The following CRTAC1 variants were observed in gnomAD, a reference collection of about 807,000 sequenced individuals.
The protein encoded by CRTAC1 is cartilage acidic protein 1.
A neutral mutation model predicts 67.8 loss-of-function variants in CRTAC1; 37 were observed. The ratio of observed to expected loss-of-function variants is 0.55; its 90% confidence interval spans 0.42 to 0.72. The LOEUF (loss-of-function observed/expected upper bound fraction) is 0.72. Ranked by LOEUF, CRTAC1 falls within the 30% of genes least tolerant of loss-of-function variation. CRTAC1 has a pLI of 0.00. For synonymous variants in CRTAC1, 348 were observed against 371.0 expected, an observed-to-expected ratio of 0.94 and a Z score of 0.71; for missense variants, 780 against 931.6, an observed-to-expected ratio of 0.84 and a Z score of 2.12.
intron 11 of CRTAC1, among the ~76,000 whole-genome samples, chr10:97,891,765 C>G (rs992590137): frequency 1.3e-5 from 2 of 152,226 alleles, no homozygotes; most frequent in Admixed American, 1.3e-4. Context: ...GCTGGCTCCC[C>G]CATCGGTCAG....
At chr10:97,885,985 A>G (rs2050278219) in intron 11 of CRTAC1, among the ~76,000 whole-genome samples, 2 of 152,270 alleles carry the variant, frequency 1.3e-5, no homozygotes, top group South Asian at 2.1e-4. Flanking sequence ...GAATTTTACA[A>G]TGATAGCTAC....
At chr10:97,964,066 C>G (rs1468687201) in intron 2 of CRTAC1, among the ~76,000 whole-genome samples, 3 of 152,232 alleles carry the variant, frequency 2.0e-5, no homozygotes, top group Non-Finnish European at 4.4e-5. Flanking sequence ...CCCCTCTTTC[C>G]AGCACATCCT....
At chr10:97,950,750 C>G (rs1009932904) in intron 2 of CRTAC1, among the ~76,000 whole-genome samples, 26 of 152,264 alleles carry the variant, frequency 1.7e-4, no homozygotes, top group African/African-American at 5.8e-4. Flanking sequence ...TTCTGCTAGC[C>G]CAGGGCTCTG....
At chr10:97,954,746 C>T (rs1034198294) in intron 2 of CRTAC1, among the ~76,000 whole-genome samples, 40 of 152,330 alleles carry the variant, frequency 2.6e-4, no homozygotes, top group African/African-American at 9.4e-4. Flanking sequence ...TGTCACAGTT[C>T]TGGAGGCTAG....
At chr10:98,001,018 C>A (rs941745205) in intron 2 of CRTAC1, among the ~76,000 whole-genome samples, 5 of 152,026 alleles carry the variant, frequency 3.3e-5, no homozygotes, top group African/African-American at 9.7e-5. Context: ...AAATACTAAC[C>A]AAAAGAAAGC....
chr10:97,967,004 C>T (rs375422632), intron 2 of CRTAC1, among the ~76,000 whole-genome samples: 8,575 of 150,066 alleles, frequency 0.057, 353 homozygotes, highest in Middle Eastern at 0.089. Flanking sequence ...CCCCCCCCCC[C>T]CCGACATCCT....
At chr10:97,931,429 G>C (rs1590217834) in intron 3 of CRTAC1, among the ~76,000 whole-genome samples, 1 of 152,214 alleles carries the variant, frequency 6.6e-6, no homozygotes, top group South Asian at 2.1e-4. Context: ...AAAGGCAAAA[G>C]ACTGCAAGTA....
chr10:98,015,440 C>T (rs1842978589), intron 1 of CRTAC1, among the ~76,000 whole-genome samples: 4 of 152,050 alleles, frequency 2.6e-5, no homozygotes, highest in African/African-American at 9.7e-5. Context: ...GATGGTTGTA[C>T]AACAATGTTA....
chr10:97,886,938 C>T (rs1402978470), intron 11 of CRTAC1, among the ~76,000 whole-genome samples: 1 of 151,980 alleles, frequency 6.6e-6, no homozygotes, highest in African/African-American at 2.4e-5. Context: ...ACCCACCACA[C>T]CCGGCCAGAT....
chr10:97,962,588 G>A (rs2051543566), intron 2 of CRTAC1, among the ~76,000 whole-genome samples: 1 of 152,160 alleles, frequency 6.6e-6, no homozygotes, highest in Non-Finnish European at 1.5e-5. Flanking sequence ...ATTTTCCACT[G>A]GGTTTCACAA....
At chr10:98,005,100 A>ATATATTTTTTTTTTTTTTTTTTTTT in intron 2 of CRTAC1, among the ~76,000 whole-genome samples, 2 of 48,926 alleles carry the variant, frequency 4.1e-5, no homozygotes, top group Admixed American at 2.7e-4. Context: ...ATATATATAT[A>ATATATTTTTTTTTTTTTTTTTTTTT]TTTTTTTTTT....
intron 5 of CRTAC1, among the ~76,000 whole-genome samples, chr10:97,915,091 A>G (rs1399174026): frequency 6.6e-6 from 1 of 152,080 alleles, no homozygotes; most frequent in African/African-American, 2.4e-5. Context: ...TGTCCTGAAC[A>G]CTCAGCCAGG....
At chr10:97,905,070 G>C (rs1436638872) in intron 6 of CRTAC1, among the ~76,000 whole-genome samples, 2 of 151,912 alleles carry the variant, frequency 1.3e-5, no homozygotes, top group Admixed American at 1.3e-4. Flanking sequence ...TTTTTACCCT[G>C]TTTGGGGGGT....
chr10:97,931,002 G>A (rs1196257421), intron 3 of CRTAC1, among the ~76,000 whole-genome samples: 3 of 151,130 alleles, frequency 2.0e-5, no homozygotes, highest in Non-Finnish European at 2.9e-5. Flanking sequence ...AATTTATAAA[G>A]AGCTGTTACA....
At position 97,880,341 on chromosome 10, in the gene CRTAC1, A is replaced by T; in HGVS notation, c.1727T>A (p.Val576Glu). Residue 576 changes from valine to glutamate, a missense_variant, in exon 14 of 15, where the codon GTA (valine) becomes GAA (glutamate). By Grantham distance (121) the Val-to-Glu change is moderately radical. Transcript: ENST00000370597. ...FPFVCPRDKP[V>E]CVNTYGSYRC... ...GTAGCTTCCATAGGTGTTGACACAT[A>T]CGGGCTTGTCTCGAGGGCACACGAA... is the stretch of plus-strand genomic sequence containing the variant. The T allele has an allele frequency of 6.2e-7, 1 of 1,614,146 alleles. No homozygotes were observed. Among genetic ancestry groups the T allele is most frequent in the Admixed American group, 1.7e-5 (1 of 60,034 alleles).
chr10:97,919,031 AC>A (rs3838743), intron 4 of CRTAC1, among the ~76,000 whole-genome samples: 105,764 of 142,658 alleles, frequency 0.74, 37,581 homozygotes, highest in East Asian at 0.85. Context: ...GTGATCCACC[AC>A]CCCCCCCCGC....
chr10:97,886,118 G>A (rs1454236640), intron 11 of CRTAC1, among the ~76,000 whole-genome samples: 1 of 152,114 alleles, frequency 6.6e-6, no homozygotes, highest in East Asian at 1.9e-4. Context: ...ACTTCCTGTA[G>A]AGACCACTGT....
At chr10:97,968,011 C>T (rs902477489) in intron 2 of CRTAC1, among the ~76,000 whole-genome samples, 5 of 152,050 alleles carry the variant, frequency 3.3e-5, no homozygotes, top group African/African-American at 1.2e-4. Context: ...AAAGGATACA[C>T]CATTCAACAG....
At chr10:97,938,076 C>A (rs190034471) in intron 2 of CRTAC1, among the ~76,000 whole-genome samples, 2 of 152,334 alleles carry the variant, frequency 1.3e-5, no homozygotes, top group Admixed American at 6.5e-5. Context: ...CACCTTCGGG[C>A]ACCCATAGGG....
Sources: gnomAD v4.1 joint callset for allele counts (sites outside exome capture counted in the v4.1 genomes callset) on GRCh38, gnomAD v4.1.1 for gene constraint, MANE v1.5 for transcripts, NCBI Gene and HGNC (gene_info 2026-07-23, HGNC 2026-07-21) for gene names.